Variants in HYCC1 observed in about 807,000 individuals in gnomAD.
HYCC1 encodes the protein hyccin PI4KA lipid kinase complex subunit 1, also known as hyccin.
chr7:22,903,123 G>A, the HYCC1 span, among the ~76,000 whole-genome samples: 2 of 152,156 alleles, frequency 1.3e-5, no homozygotes, highest in Admixed American at 1.3e-4. Flanking sequence ...CTGGAGTGGG[G>A]GAGTATAAAA....
At chr7:22,938,577 T>C in the HYCC1 span, 1 of 152,194 alleles carries the variant, frequency 6.6e-6, no homozygotes, top group Non-Finnish European at 1.5e-5. Flanking sequence ...TGGTGTGTAG[T>C]GCTGTATGGT....
chr7:22,928,599 G>A, the HYCC1 span, among the ~76,000 whole-genome samples: 3 of 152,074 alleles, frequency 2.0e-5, no homozygotes, highest in Admixed American at 6.6e-5. Flanking sequence ...GCTTCAAAGA[G>A]AATAAAATAC....
chr7:22,948,212 T>C, the HYCC1 span, among the ~76,000 whole-genome samples: 1 of 152,114 alleles, frequency 6.6e-6, no homozygotes. Flanking sequence ...CATAAGACTA[T>C]GTAAAACAGC....
At chr7:23,001,351 A>G in the HYCC1 span, among the ~76,000 whole-genome samples, 1 of 152,232 alleles carries the variant, frequency 6.6e-6, no homozygotes. Flanking sequence ...GTTAGAACCC[A>G]TGCAGCCCAA....
At chr7:22,964,417 G>A in the HYCC1 span, 1 of 1,544,864 alleles carries the variant, frequency 6.5e-7, no homozygotes, top group South Asian at 1.1e-5. Flanking sequence ...ATACTTACAA[G>A]GCAAAATAAA....
At chr7:22,966,011 G>GACC in the HYCC1 span, among the ~76,000 whole-genome samples, 1 of 152,040 alleles carries the variant, frequency 6.6e-6, no homozygotes, top group Admixed American at 6.6e-5. Context: ...CAACACAGGA[G>GACC]ACCAATTATA....
At chr7:22,959,744 C>T in the HYCC1 span, among the ~76,000 whole-genome samples, 1 of 151,820 alleles carries the variant, frequency 6.6e-6, no homozygotes, top group Non-Finnish European at 1.5e-5. Flanking sequence ...TATATATATA[C>T]ACACACACAT....
chr7:23,004,526 T>C, the HYCC1 span, among the ~76,000 whole-genome samples: 2 of 152,210 alleles, frequency 1.3e-5, no homozygotes, highest in East Asian at 3.8e-4. Context: ...TAAAATTGTA[T>C]GACATATTTG....
At chr7:22,978,434 G>C in the HYCC1 span, 14 of 1,613,716 alleles carry the variant, frequency 8.7e-6, no homozygotes, top group Non-Finnish European at 1.2e-5. Context: ...GCTGGTGACA[G>C]ACAGGTTCTA....
the HYCC1 span, among the ~76,000 whole-genome samples, chr7:22,949,282 T>A: frequency 1.1e-4 from 17 of 152,186 alleles, no homozygotes; most frequent in South Asian, 1.0e-3. Context: ...GATTCCCATT[T>A]ACAGACAAGG....
chr7:22,901,415 G>C, the HYCC1 span, among the ~76,000 whole-genome samples: 1 of 152,034 alleles, frequency 6.6e-6, no homozygotes, highest in South Asian at 2.1e-4. Context: ...AATGTAACTG[G>C]TGTAAACACA....
the HYCC1 span, among the ~76,000 whole-genome samples, chr7:22,952,766 C>T: frequency 1.3e-5 from 2 of 151,876 alleles, no homozygotes; most frequent in African/African-American, 4.8e-5. Context: ...TTAACCTGGG[C>T]CAGTATTTAC....
chr7:23,003,904 C>T, the HYCC1 span, among the ~76,000 whole-genome samples: 1 of 152,144 alleles, frequency 6.6e-6, no homozygotes, highest in African/African-American at 2.4e-5. Context: ...CTTGACTGTA[C>T]AAAATTCTAT....
At chr7:22,917,841 TAA>T in the HYCC1 span, among the ~76,000 whole-genome samples, 2 of 152,336 alleles carry the variant, frequency 1.3e-5, no homozygotes, top group South Asian at 4.1e-4. Flanking sequence ...TTCACCCTGA[TAA>T]AGTCTTATTC....
chr7:22,943,816 G>A, the HYCC1 span: 7 of 152,506 alleles, frequency 4.6e-5, no homozygotes, highest in South Asian at 2.1e-4. Flanking sequence ...TTCACTGCCC[G>A]ATTGCCTTAC....
chr7:23,004,948 A>C, the HYCC1 span, among the ~76,000 whole-genome samples: 1 of 151,980 alleles, frequency 6.6e-6, no homozygotes, highest in South Asian at 2.1e-4. Flanking sequence ...TGGGACTACA[A>C]GCACGTGCCA....
At chr7:22,907,163 C>T in the HYCC1 span, among the ~76,000 whole-genome samples, 37,374 of 147,692 alleles carry the variant, frequency 0.25, 4,865 homozygotes, top group East Asian at 0.48. Flanking sequence ...AAGTCAATCA[C>T]CTGGCCCAGG....
chr7:22,984,018 A>G, the HYCC1 span: 2 of 1,605,074 alleles, frequency 1.2e-6, no homozygotes, highest in South Asian at 2.2e-5. Context: ...TTTGTGGCAT[A>G]ATTTGGTAAA....
the HYCC1 span, among the ~76,000 whole-genome samples, chr7:22,952,955 T>C: frequency 6.6e-6 from 1 of 151,856 alleles, no homozygotes; most frequent in Non-Finnish European, 1.5e-5. Flanking sequence ...AGAAAAACAG[T>C]CTGGAACAAG....
Sources: allele counts gnomAD v4.1 joint callset (sites outside exome capture counted in the v4.1 genomes callset), GRCh38; gene constraint gnomAD v4.1.1; transcripts MANE v1.5; gene names NCBI Gene and HGNC (gene_info 2026-07-23, HGNC 2026-07-21).